Variants in FANCB observed in about 807,000 individuals in gnomAD.
FANCB encodes the protein Fanconi anemia group B protein.
Under a neutral mutation model 38.9 loss-of-function variants are expected in FANCB, and 5 were observed. That is an observed-to-expected ratio of 0.13 (90% CI 0.07 to 0.27). The LOEUF is 0.27. FANCB is among the 10% of genes least tolerant of loss of function. The pLI is 1.00. For missense variants in FANCB, 573 were observed against 602.7 expected, an observed-to-expected ratio of 0.95 and a Z score of 0.52; for synonymous variants, 236 against 215.4, an observed-to-expected ratio of 1.10 and a Z score of -0.84.
chrX:14,807,607 C>T, the FANCB span, among the ~76,000 whole-genome samples: 2 of 111,715 alleles, frequency 1.8e-5, no homozygotes, highest in Non-Finnish European at 3.8e-5. Context: ...GACTATTACT[C>T]TCCATGATGC....
At chrX:14,692,293 C>T in the FANCB span, among the ~76,000 whole-genome samples, 16 of 112,461 alleles carry the variant, frequency 1.4e-4, no homozygotes, top group Non-Finnish European at 2.8e-4. Context: ...CTCACTGCCT[C>T]CCTGTTGGTG....
At chrX:14,765,404 TA>T in the FANCB span, among the ~76,000 whole-genome samples, 1 of 112,157 alleles carries the variant, frequency 8.9e-6, no homozygotes, top group African/African-American at 3.2e-5. Context: ...ATAAAATATG[TA>T]ACTGTCTACC....
chrX:14,708,868 G>A, the FANCB span, among the ~76,000 whole-genome samples: 5 of 110,609 alleles, frequency 4.5e-5, no homozygotes, highest in Non-Finnish European at 7.6e-5. Context: ...CCTGGGAGGC[G>A]GAGGTTGCGG....
At chrX:14,838,678 T>C (rs1248435928), downstream of FANCB, among the ~76,000 whole-genome samples, 12 of 112,192 alleles carry the variant, frequency 1.1e-4, no homozygotes, top group Non-Finnish European at 1.7e-4. Context: ...AAAAACCTAC[T>C]AAAATTATCA....
At chrX:14,736,500 C>T in the FANCB span, among the ~76,000 whole-genome samples, 10 of 111,543 alleles carry the variant, frequency 9.0e-5, no homozygotes, top group Admixed American at 1.9e-4. Context: ...GGGAGTTCCC[C>T]GACCCCTTGT....
At chrX:14,784,276 G>A in the FANCB span, among the ~76,000 whole-genome samples, 1 of 112,455 alleles carries the variant, frequency 8.9e-6, no homozygotes, top group East Asian at 2.8e-4. Flanking sequence ...TCTGACACAG[G>A]TCTCACTGGG....
At chrX:14,813,053 A>G in the FANCB span, among the ~76,000 whole-genome samples, 1 of 102,235 alleles carries the variant, frequency 9.8e-6, no homozygotes, top group East Asian at 3.0e-4. Context: ...AAACAGAACC[A>G]AAGACAAAAA....
the FANCB span, among the ~76,000 whole-genome samples, chrX:14,722,977 A>C: frequency 1.8e-5 from 2 of 113,001 alleles, no homozygotes; most frequent in East Asian, 5.5e-4. Flanking sequence ...GAATAATTTT[A>C]ACTGTATTGG....
chrX:14,852,170 C>CT lies in FANCB; in HGVS notation c.1326+868dup, dbSNP rs35738771. Among the ~76,000 whole-genome samples the CT allele has an allele frequency of 7.8e-3, 762 of 98,091 alleles. 5 individuals carry two copies. Among genetic ancestry groups the CT allele is most frequent in the African/African-American group, 0.023 (633 of 27,302 alleles). 85.2% of individuals were successfully genotyped at this position (98,091 alleles called of 115,157 possible). A position where few individuals can be genotyped will look rare whatever the true frequency, so the allele number is the denominator to read the frequency against. On this transcript the variant is annotated intron_variant, in intron 6 of 9. Transcript: ENST00000650831. ...ACCACATAAGAGACCCAAGGAGGTTCTTTTTTTTTTTTTTTGAGACGGAGT... is the reference window on the plus strand; with the variant it reads ...ACCACATAAGAGACCCAAGGAGGTTCTTTTTTTTTTTTTTTTGAGACGGAGT...
chrX:14,859,960 G>A (rs186223428), intron 3 of FANCB, among the ~76,000 whole-genome samples: 2 of 111,259 alleles, frequency 1.8e-5, no homozygotes, highest in East Asian at 5.7e-4. Context: ...AGCTAGTATC[G>A]GGTACACAGG....
chrX:14,705,310 G>T, the FANCB span, among the ~76,000 whole-genome samples: 1 of 111,622 alleles, frequency 9.0e-6, no homozygotes, highest in Non-Finnish European at 1.9e-5. Context: ...TCTCAGCCAG[G>T]AGCTATTTTT....
intron 1 of FANCB, among the ~76,000 whole-genome samples, chrX:14,869,802 C>T (rs1007549219): frequency 3.6e-5 from 4 of 111,993 alleles, no homozygotes; most frequent in Non-Finnish European, 7.5e-5. Context: ...TGAAGCTTAG[C>T]ATGGCATTCA....
chrX:14,780,249 T>G, the FANCB span, among the ~76,000 whole-genome samples: 1 of 111,161 alleles, frequency 9.0e-6, no homozygotes, highest in African/African-American at 3.4e-5. Context: ...TCGTTTTTTA[T>G]TTGTTTATTA....
the FANCB span, among the ~76,000 whole-genome samples, chrX:14,822,008 G>A: frequency 8.9e-6 from 1 of 111,789 alleles, no homozygotes; most frequent in South Asian, 3.8e-4. Flanking sequence ...ACCTCACTCT[G>A]CAGTTGGTGC....
chrX:14,707,875 C>A, the FANCB span, among the ~76,000 whole-genome samples: 4 of 110,233 alleles, frequency 3.6e-5, no homozygotes, highest in Non-Finnish European at 7.6e-5. Flanking sequence ...TTAAGGTATA[C>A]GACTTGATGA....
At chrX:14,797,524 A>T in the FANCB span, among the ~76,000 whole-genome samples, 1 of 110,323 alleles carries the variant, frequency 9.1e-6, no homozygotes, top group African/African-American at 3.3e-5. Flanking sequence ...TCTACTAAAA[A>T]TATAAAAATT....
At chrX:14,793,365 T>C in the FANCB span, among the ~76,000 whole-genome samples, 1 of 111,964 alleles carries the variant, frequency 8.9e-6, no homozygotes, top group Non-Finnish European at 1.9e-5. Context: ...AAATGTGTAG[T>C]AGATTGGCAG....
the FANCB span, among the ~76,000 whole-genome samples, chrX:14,826,284 C>T: frequency 9.0e-5 from 10 of 111,491 alleles, no homozygotes; most frequent in African/African-American, 2.6e-4. Flanking sequence ...GACTTCTGTC[C>T]CCAAGCAGAA....
chrX:14,730,306 G>A, the FANCB span: 2 of 1,209,980 alleles, frequency 1.7e-6, no homozygotes, highest in South Asian at 1.8e-5. Flanking sequence ...GGCCACACCT[G>A]CCAACCCACT....
Sources: gnomAD v4.1 joint callset for allele counts (sites outside exome capture counted in the v4.1 genomes callset) on GRCh38, gnomAD v4.1.1 for gene constraint, MANE v1.5 for transcripts, NCBI Gene and HGNC (gene_info 2026-07-23, HGNC 2026-07-21) for gene names.